The following FHIT variants were observed in gnomAD, a reference collection of about 807,000 sequenced individuals.
The protein encoded by FHIT is bis(5'-adenosyl)-triphosphatase.
In FHIT, 19 loss-of-function variants were observed where a neutral mutation model predicts 17.9. The observed-to-expected ratio is 1.06, with a 90% CI of 0.74 to 1.56. The LOEUF (loss-of-function observed/expected upper bound fraction) is 1.56, where lower values mean the gene tolerates loss of function less well. FHIT is among the 40% of genes most tolerant of loss of function. FHIT has a pLI of 0.00. For synonymous variants in FHIT, 81 were observed against 69.7 expected (o/e 1.16, Z -0.81); for missense variants, 248 against 189.2 (o/e 1.31, Z -1.82).
At chr3:60,873,718 A>G (rs554937446) in intron 3 of FHIT, among the ~76,000 whole-genome samples, 2 of 152,348 alleles carry the variant, frequency 1.3e-5, no homozygotes, top group South Asian at 4.1e-4. Flanking sequence ...CTTTGAAGGA[A>G]CAAGCACTGT....
At chr3:61,230,592 T>C (rs1016629474) in intron 1 of FHIT, among the ~76,000 whole-genome samples, 4 of 152,112 alleles carry the variant, frequency 2.6e-5, no homozygotes, top group Non-Finnish European at 4.4e-5. Flanking sequence ...ACACTTAAAT[T>C]TTCTGATTCT....
At chr3:61,131,544 C>T (rs1442197793) in intron 2 of FHIT, among the ~76,000 whole-genome samples, 3 of 152,234 alleles carry the variant, frequency 2.0e-5, no homozygotes, top group Admixed American at 6.5e-5. Context: ...GAGAGGACTG[C>T]GTGGATGGGC....
intron 4 of FHIT, among the ~76,000 whole-genome samples, chr3:60,641,144 C>T (rs1461498254): frequency 6.6e-6 from 1 of 152,018 alleles, no homozygotes; most frequent in Admixed American, 6.6e-5. Context: ...TATGCCATTG[C>T]ACTCCGGCCT....
chr3:60,203,971 TAGTG>T (rs1461310270), intron 5 of FHIT, among the ~76,000 whole-genome samples: 2 of 152,038 alleles, frequency 1.3e-5, no homozygotes, highest in South Asian at 2.1e-4. Context: ...GGTGAATAGT[TAGTG>T]AGTATAAAAA....
intron 5 of FHIT, among the ~76,000 whole-genome samples, chr3:60,206,184 A>T (rs1703177350): frequency 6.7e-6 from 1 of 150,096 alleles, no homozygotes; most frequent in Non-Finnish European, 1.5e-5. Context: ...TATAACACTT[A>T]AAAATGAGCC....
intron 4 of FHIT, among the ~76,000 whole-genome samples, chr3:60,674,810 G>C (rs1286940984): frequency 6.6e-6 from 1 of 152,116 alleles, no homozygotes; most frequent in African/African-American, 2.4e-5. Context: ...TCTCTGCTAG[G>C]CCTCATGGTG....
intron 8 of FHIT, among the ~76,000 whole-genome samples, chr3:59,869,447 G>GTACTAGTCATT (rs1313899315): frequency 4.3e-5 from 6 of 141,108 alleles, no homozygotes; most frequent in African/African-American, 1.6e-4. Flanking sequence ...GCATTTTCAT[G>GTACTAGTCATT]TACTAGTCAT....
chr3:60,418,977 T>C (rs1297571398), intron 5 of FHIT, among the ~76,000 whole-genome samples: 1 of 152,210 alleles, frequency 6.6e-6, no homozygotes, highest in Non-Finnish European at 1.5e-5. Flanking sequence ...AATCTGGTTC[T>C]GCCTTTTTTA....
At chr3:60,371,847 T>TG (rs1273016204) in intron 5 of FHIT, among the ~76,000 whole-genome samples, 2 of 151,180 alleles carry the variant, frequency 1.3e-5, no homozygotes, top group East Asian at 3.9e-4. Flanking sequence ...GTGGGGTTTT[T>TG]TTTTTTTTTT....
In FHIT at chr3:59,772,186, C is replaced by T. The variant is rs567182361; in HGVS notation, c.349-19865G>A. Among the ~76,000 whole-genome samples, 12 of 152,278 alleles carry T rather than the reference C, an allele frequency of 7.9e-5. No individual in the cohort carries two copies. The East Asian group carries it at 1.2e-3, about 15-fold the overall frequency. ...TCACTAATCTACATTCCAGGCCCCACATAAAGCAAGTATAAAGTGAATGTT... is the reference window on the plus strand; with the variant it reads ...TCACTAATCTACATTCCAGGCCCCATATAAAGCAAGTATAAAGTGAATGTT... On this transcript the variant is annotated intron_variant, in intron 8 of 9. Transcript: ENST00000492590.
intron 5 of FHIT, among the ~76,000 whole-genome samples, chr3:60,181,834 T>C (rs1279294291): frequency 6.6e-6 from 1 of 152,186 alleles, no homozygotes; most frequent in Non-Finnish European, 1.5e-5. Context: ...TTTTAGCATT[T>C]ATTAAGTTGT....
chr3:61,064,307 G>A (rs1477313579), intron 2 of FHIT, among the ~76,000 whole-genome samples: 1 of 152,098 alleles, frequency 6.6e-6, no homozygotes, highest in Non-Finnish European at 1.5e-5. Context: ...GCTAATCCAG[G>A]ACACTGTGGT....
intron 5 of FHIT, among the ~76,000 whole-genome samples, chr3:60,295,331 G>T (rs2106680468): frequency 6.6e-6 from 1 of 152,224 alleles, no homozygotes; most frequent in South Asian, 2.1e-4. Context: ...TTGGCTCACG[G>T]TTCTGCAGGG....
At chr3:60,434,455 C>T (rs2030027249) in intron 5 of FHIT, among the ~76,000 whole-genome samples, 1 of 152,132 alleles carries the variant, frequency 6.6e-6, no homozygotes, top group South Asian at 2.1e-4. Flanking sequence ...GGCAGGGTTG[C>T]ATAGGGGATA....
At chr3:60,612,715 C>T (rs566873024) in intron 4 of FHIT, among the ~76,000 whole-genome samples, 4 of 152,248 alleles carry the variant, frequency 2.6e-5, no homozygotes, top group African/African-American at 9.6e-5. Flanking sequence ...TGTAAAAGAT[C>T]TATCTGTAAG....
chr3:60,507,811 A>G (rs558696311), intron 5 of FHIT, among the ~76,000 whole-genome samples: 1 of 152,284 alleles, frequency 6.6e-6, no homozygotes, highest in South Asian at 2.1e-4. Context: ...TGCTAAAGAC[A>G]ATGGCCTCCA....
chr3:61,218,203 G>A (rs2039739530), intron 1 of FHIT, among the ~76,000 whole-genome samples: 1 of 152,186 alleles, frequency 6.6e-6, no homozygotes, highest in Non-Finnish European at 1.5e-5. Context: ...GCCTAGGACT[G>A]ATCCGTGAGC....
intron 5 of FHIT, among the ~76,000 whole-genome samples, chr3:60,232,514 G>A (rs1167609217): frequency 6.6e-6 from 1 of 152,116 alleles, no homozygotes; most frequent in African/African-American, 2.4e-5. Flanking sequence ...TCCATTTTCA[G>A]AGGTGAAATT....
rs973271152 is a variant in FHIT at position 59,752,975 on chromosome 3, G to C, written c.349-654C>G. On this transcript the variant is annotated intron_variant, in intron 8 of 9. Coordinates refer to ENST00000492590, the MANE Select transcript of FHIT (RefSeq NM_002012.4). ...TGAAGTGGGGGAATGGGGAGCATTT[G>C]CCATTCCCAGAATCTCCCCCACACT... is the stretch of plus-strand genomic sequence containing the variant. Among the ~76,000 whole-genome samples, 9 of 152,108 alleles carry C rather than the reference G, an allele frequency of 5.9e-5. No homozygotes were observed. In the East Asian group the frequency reaches 7.7e-4, roughly 13 times the overall value.
Sources: allele counts gnomAD v4.1 joint callset (sites outside exome capture counted in the v4.1 genomes callset), GRCh38; gene constraint gnomAD v4.1.1; transcripts MANE v1.5; gene names NCBI Gene and HGNC (gene_info 2026-07-23, HGNC 2026-07-21).